The following NOVA1 variants were observed in gnomAD, a reference collection of about 807,000 sequenced individuals.
NOVA1 encodes the protein NOVA alternative splicing regulator 1.
In NOVA1, 7 loss-of-function variants were observed where a neutral mutation model predicts 38.0. The observed-to-expected ratio is 0.18, with a 90% CI of 0.10 to 0.35. The LOEUF is 0.35. Ranked by LOEUF, NOVA1 falls within the 10% of genes least tolerant of loss-of-function variation. The pLI, the probability that NOVA1 is intolerant of heterozygous loss-of-function variation, is 1.00. For missense variants in NOVA1, 460 were observed against 616.0 expected (o/e 0.75, Z 2.68); for synonymous variants, 270 against 232.5 (o/e 1.16, Z -1.47).
intron 2 of NOVA1, among the ~76,000 whole-genome samples, chr14:26,522,387 A>C (rs1044194905): frequency 6.6e-6 from 1 of 152,098 alleles, no homozygotes; most frequent in Non-Finnish European, 1.5e-5. Flanking sequence ...TTTTGTTTTA[A>C]TTTTTGAGAC....
chr14:26,590,488 T>C (rs904276479), intron 2 of NOVA1, among the ~76,000 whole-genome samples: 2 of 151,922 alleles, frequency 1.3e-5, no homozygotes, highest in African/African-American at 2.4e-5. Flanking sequence ...ACAAGTAGCA[T>C]AATATGTAGT....
chr14:26,595,924 A>G, intron 1 of NOVA1: 1 of 406,768 alleles, frequency 2.5e-6, no homozygotes, highest in Non-Finnish European at 4.8e-6. Flanking sequence ...AGAGGTTTAT[A>G]AGATGACAAA....
At chr14:26,595,360 T>C (rs1207655878) in intron 2 of NOVA1, 50 bp downstream of exon 2, 1 of 1,568,864 alleles carries the variant, frequency 6.4e-7, no homozygotes, top group Non-Finnish European at 8.7e-7. Context: ...AAGTAGATCT[T>C]TCTTTCCTGT....
intron 2 of NOVA1, among the ~76,000 whole-genome samples, chr14:26,543,991 C>G (rs572548971): frequency 6.6e-6 from 1 of 152,008 alleles, no homozygotes; most frequent in East Asian, 1.9e-4. Flanking sequence ...AGTCTATGAT[C>G]TAGAATATAG....
intron 2 of NOVA1, among the ~76,000 whole-genome samples, chr14:26,595,131 T>C (rs890779027): frequency 7.9e-5 from 12 of 152,260 alleles, no homozygotes; most frequent in African/African-American, 2.6e-4. Context: ...TTTCTATCTT[T>C]AAATTTTTGA....
At position 26,448,751 on chromosome 14, in the gene NOVA1, A is replaced by T; in HGVS notation, c.732T>A (p.Asp244Glu). The change falls in exon 5 of 5, where the codon GAT (aspartate) becomes GAA (glutamate). Residue 244 changes from aspartate to glutamate, a missense_variant. Transcript: ENST00000539517. The surrounding 1 kb of genome is among the most constrained non-coding windows in gnomAD (Gnocchi z 5.3). ...TATTGAGACAGCTGCCACTTTGTGG[A>T]TCCTCTTGTATCTTCTGGATGATAA... Reference protein sequence around the residue: ...VELIIQKIQEDPQSGSCLNIS... With the variant: ...VELIIQKIQEEPQSGSCLNIS... 6.2e-7 allele frequency: 1 copy of T among 1,614,118 alleles called. No homozygotes were observed. Among genetic ancestry groups the T allele is most frequent in the Non-Finnish European group, 8.5e-7 (1 of 1,180,014 alleles).
chr14:26,589,465 T>A (rs72670878), intron 2 of NOVA1, among the ~76,000 whole-genome samples: 2,501 of 151,860 alleles, frequency 0.016, 33 homozygotes, highest in Non-Finnish European at 0.025. Context: ...TAAAATTAAG[T>A]TCAAAATCTT....
intron 2 of NOVA1, among the ~76,000 whole-genome samples, chr14:26,493,686 T>C (rs1483532906): frequency 6.6e-6 from 1 of 152,096 alleles, no homozygotes; most frequent in Non-Finnish European, 1.5e-5. Context: ...TGAGGACAGA[T>C]GACTGGCTCT....
At chr14:26,514,181 A>G (rs970140390) in intron 2 of NOVA1, among the ~76,000 whole-genome samples, 3 of 151,756 alleles carry the variant, frequency 2.0e-5, no homozygotes, top group Admixed American at 2.0e-4. Flanking sequence ...TCATATAGTT[A>G]AAAATTTATG....
chr14:26,571,094 A>C (rs1892444824), intron 2 of NOVA1, among the ~76,000 whole-genome samples: 1 of 151,880 alleles, frequency 6.6e-6, no homozygotes, highest in Non-Finnish European at 1.5e-5. Flanking sequence ...TTTGGTTTAC[A>C]GGTTAAATAA....
chr14:26,497,204 T>A lies in NOVA1; in HGVS notation c.281-17061A>T, dbSNP rs1020950392. On this transcript the variant is annotated intron_variant, in intron 2 of 4. Coordinates refer to ENST00000539517, the MANE Select transcript of NOVA1 (RefSeq NM_002515.3). Reference sequence around the variant, plus strand: ...GTGAACTCCCATTCACAATTGCTTCTAAGAGAATAAAATACCTAGGAATCC... The same window carrying A: ...GTGAACTCCCATTCACAATTGCTTCAAAGAGAATAAAATACCTAGGAATCC... 3.9e-5 allele frequency among the ~76,000 whole-genome samples: 6 copies of A among 152,116 alleles called. No individual in the cohort carries two copies. In the South Asian group the frequency reaches 1.0e-3, roughly 26 times the overall value.
chr14:26,559,687 G>A (rs1044582796), intron 2 of NOVA1, among the ~76,000 whole-genome samples: 20 of 152,236 alleles, frequency 1.3e-4, no homozygotes, highest in African/African-American at 3.8e-4. Context: ...AGCTACAACC[G>A]TGGATCTCAT....
chr14:26,544,539 G>GT (rs1890669009), intron 2 of NOVA1, among the ~76,000 whole-genome samples: 1 of 151,466 alleles, frequency 6.6e-6, no homozygotes, highest in Admixed American at 6.6e-5. Context: ...CCTTATTCAG[G>GT]TTTTTAAACC....
At chr14:26,479,347 C>T (rs1885244645) in intron 3 of NOVA1, 1 of 151,946 alleles carries the variant, frequency 6.6e-6, no homozygotes, top group African/African-American at 2.4e-5. Context: ...CTTAAAAACT[C>T]ACATCAGTTT....
chr14:26,480,969 T>C (rs1885409769), intron 2 of NOVA1, among the ~76,000 whole-genome samples: 1 of 152,080 alleles, frequency 6.6e-6, no homozygotes, highest in Admixed American at 6.5e-5. Context: ...AAATATATGA[T>C]GCAAGACAAG....
intron 2 of NOVA1, among the ~76,000 whole-genome samples, chr14:26,588,198 C>T (rs939778250): frequency 6.7e-6 from 1 of 148,890 alleles, no homozygotes; most frequent in Non-Finnish European, 1.5e-5. Flanking sequence ...AAAAAAAAAA[C>T]ACTACCATCT....
At chr14:26,466,727 G>C (rs1884171809) in intron 4 of NOVA1, among the ~76,000 whole-genome samples, 1 of 152,098 alleles carries the variant, frequency 6.6e-6, no homozygotes, top group African/African-American at 2.4e-5. Flanking sequence ...CCTTTTGGGA[G>C]GTGTTTAATT....
intron 2 of NOVA1, among the ~76,000 whole-genome samples, chr14:26,486,980 C>T (rs1324123372): frequency 6.6e-6 from 1 of 151,952 alleles, no homozygotes; most frequent in Admixed American, 6.6e-5. Context: ...ATAAAAATCA[C>T]CCATAATAGT....
intron 2 of NOVA1, among the ~76,000 whole-genome samples, chr14:26,498,998 GTCAAATATA>G (rs975676589): frequency 1.3e-5 from 2 of 152,100 alleles, no homozygotes; most frequent in African/African-American, 2.4e-5. Flanking sequence ...AAAAAGAAAG[GTCAAATATA>G]TAGAGATAGA....
Sources: allele counts gnomAD v4.1 joint callset (sites outside exome capture counted in the v4.1 genomes callset), GRCh38; gene constraint gnomAD v4.1.1; non-coding constraint Gnocchi (gnomAD v3.1); transcripts MANE v1.5; gene names NCBI Gene and HGNC (gene_info 2026-07-23, HGNC 2026-07-21).